Variants in KLF8 observed in about 807,000 individuals in gnomAD.
KLF8 encodes the protein KLF transcription factor 8, also known as Krueppel-like factor 8.
Under a neutral mutation model 18.2 loss-of-function variants are expected in KLF8, and 10 were observed. The ratio of observed to expected loss-of-function variants is 0.55; its 90% CI spans 0.34 to 0.93. The LOEUF is 0.93. Ranked by LOEUF, KLF8 falls within the 40% of genes least tolerant of loss-of-function variation. The probability of loss-of-function intolerance (pLI) is 0.02; values close to 1 mark genes in which losing one functional copy is unlikely to be tolerated. For missense variants in KLF8, 264 were observed against 277.9 expected (o/e 0.95, Z 0.36); for synonymous variants, 109 against 97.3 (o/e 1.12, Z -0.71).
At chrX:56,179,680 A>T in the KLF8 span, among the ~76,000 whole-genome samples, 2 of 112,005 alleles carry the variant, frequency 1.8e-5, no homozygotes, top group African/African-American at 3.2e-5. Context: ...TATCTAATTT[A>T]TTGAGAGTTT....
chrX:55,914,758 A>T, the KLF8 span, among the ~76,000 whole-genome samples: 22 of 111,618 alleles, frequency 2.0e-4, no homozygotes, highest in Non-Finnish European at 3.2e-4. Context: ...ATGTTCAGGA[A>T]ATAGTGTTTC....
the KLF8 span, among the ~76,000 whole-genome samples, chrX:56,164,729 C>CTTTTTTTTTTTTTTTTAATTTTT: frequency 9.6e-5 from 5 of 51,917 alleles, no homozygotes; most frequent in African/African-American, 1.7e-4. Flanking sequence ...CTTGTTATCT[C>CTTTTTTTTTTTTTTTTAATTTTT]TTTTTTTTTT....
At chrX:56,188,037 G>A in the KLF8 span, among the ~76,000 whole-genome samples, 1 of 110,983 alleles carries the variant, frequency 9.0e-6, no homozygotes, top group South Asian at 3.9e-4. Flanking sequence ...AATTAGGCAG[G>A]CGAAGGAAAT....
intron 1 of KLF8, among the ~76,000 whole-genome samples, chrX:56,244,382 C>T (rs1172366624): frequency 9.0e-6 from 1 of 110,622 alleles, no homozygotes; most frequent in Non-Finnish European, 1.9e-5. Flanking sequence ...GAGATGGGGT[C>T]TCACTATGTT....
chrX:56,175,222 T>A, the KLF8 span, among the ~76,000 whole-genome samples: 1 of 112,187 alleles, frequency 8.9e-6, no homozygotes, highest in African/African-American at 3.2e-5. Flanking sequence ...CTGCTTTCTC[T>A]TGTGGGCATT....
At chrX:56,160,952 T>A in the KLF8 span, among the ~76,000 whole-genome samples, 1 of 111,437 alleles carries the variant, frequency 9.0e-6, no homozygotes, top group Non-Finnish European at 1.9e-5. Context: ...CTGGTTATTT[T>A]GCTCGTTAGT....
At chrX:56,052,568 G>A in the KLF8 span, among the ~76,000 whole-genome samples, 1 of 111,929 alleles carries the variant, frequency 8.9e-6, no homozygotes, top group African/African-American at 3.3e-5. Flanking sequence ...GTGCGTCCCA[G>A]TTAGGCTGCC....
At chrX:56,198,989 A>T in the KLF8 span, among the ~76,000 whole-genome samples, 1 of 111,939 alleles carries the variant, frequency 8.9e-6, no homozygotes, top group African/African-American at 3.2e-5. Context: ...AGAAATGGGG[A>T]AAGGATTCCC....
At chrX:56,092,556 C>A in the KLF8 span, among the ~76,000 whole-genome samples, 12 of 111,341 alleles carry the variant, frequency 1.1e-4, no homozygotes, top group African/African-American at 3.9e-4. Context: ...GTCCTTTCCC[C>A]AGTGTAAATT....
chrX:56,092,635 G>A, the KLF8 span, among the ~76,000 whole-genome samples: 8 of 110,373 alleles, frequency 7.2e-5, no homozygotes, highest in Non-Finnish European at 1.3e-4. Flanking sequence ...ATTTGTCTGT[G>A]TGTCTGTTTT....
At chrX:55,919,723 G>A in the KLF8 span, among the ~76,000 whole-genome samples, 1 of 111,245 alleles carries the variant, frequency 9.0e-6, no homozygotes, top group Admixed American at 9.5e-5. Flanking sequence ...CAGCAAGCCC[G>A]GCCCAAGGAT....
the KLF8 span, among the ~76,000 whole-genome samples, chrX:55,956,378 T>C: frequency 9.0e-6 from 1 of 111,667 alleles, no homozygotes; most frequent in Admixed American, 9.6e-5. Context: ...CAAATATGTC[T>C]TTGAGACTCT....
At chrX:56,255,544 G>C (rs917547881) in intron 2 of KLF8, among the ~76,000 whole-genome samples, 3 of 111,934 alleles carry the variant, frequency 2.7e-5, no homozygotes, top group East Asian at 2.8e-4. Context: ...ACTAGCTGTG[G>C]GTCTGTTTTA....
chrX:56,034,818 C>T, the KLF8 span, among the ~76,000 whole-genome samples: 1 of 86,816 alleles, frequency 1.2e-5, no homozygotes, highest in Non-Finnish European at 2.1e-5. Context: ...TGCAGTGGCG[C>T]GTTCTCGGCT....
chrX:56,060,635 G>A, the KLF8 span, among the ~76,000 whole-genome samples: 1 of 111,708 alleles, frequency 9.0e-6, no homozygotes, highest in Non-Finnish European at 1.9e-5. Flanking sequence ...AGGGATATTG[G>A]CCTGAAGTTT....
At chrX:56,158,309 G>T in the KLF8 span, among the ~76,000 whole-genome samples, 1 of 111,851 alleles carries the variant, frequency 8.9e-6, no homozygotes, top group African/African-American at 3.3e-5. Context: ...AGTATAGTTT[G>T]AAGTCAGGTA....
Position 56,280,975 on chromosome X carries a change from G to A in KLF8, c.899-3338G>A, listed in dbSNP as rs960016829. Among the ~76,000 whole-genome samples the A allele has an allele frequency of 1.5e-4, 17 of 111,608 alleles. 1 individual carries two copies. Among genetic ancestry groups the A allele is most frequent in the Admixed American group, 3.8e-4 (4 of 10,528 alleles). ...TACAGCATGGGTAAATAATTTTAATGTACAACTTTGACCAAGTCATTCTTG... is the reference window on the plus strand; with the variant it reads ...TACAGCATGGGTAAATAATTTTAATATACAACTTTGACCAAGTCATTCTTG... On this transcript the variant is annotated intron_variant, in intron 5 of 5. Coordinates refer to ENST00000468660, the MANE Select transcript of KLF8 (RefSeq NM_007250.5).
At chrX:56,070,962 G>T in the KLF8 span, among the ~76,000 whole-genome samples, 17 of 111,996 alleles carry the variant, frequency 1.5e-4, no homozygotes, top group African/African-American at 5.2e-4. Context: ...ATAGGAGACA[G>T]CTAATTTTAT....
chrX:56,078,649 A>G, the KLF8 span, among the ~76,000 whole-genome samples: 3 of 111,930 alleles, frequency 2.7e-5, no homozygotes, highest in Non-Finnish European at 3.8e-5. Flanking sequence ...GGATGATGCT[A>G]GCCTCATAAA....
Sources: gnomAD v4.1 joint callset for allele counts (sites outside exome capture counted in the v4.1 genomes callset) on GRCh38, gnomAD v4.1.1 for gene constraint, MANE v1.5 for transcripts, NCBI Gene and HGNC (gene_info 2026-07-23, HGNC 2026-07-21) for gene names.